The following ARHGAP26 variants were observed in gnomAD, a reference collection of about 807,000 sequenced individuals.
ARHGAP26 encodes rho GTPase-activating protein 26.
ARHGAP26 carries 38 observed loss-of-function variants against 104.8 expected under a neutral mutation model. That is an observed-to-expected ratio of 0.36 (90% CI 0.28 to 0.48). The LOEUF is 0.48. Among genes scored for constraint, ARHGAP26 ranks in the 20% least tolerant of loss-of-function variants. The pLI is 0.99. For missense variants in ARHGAP26, 704 were observed against 947.9 expected (o/e 0.74, Z 3.38); for synonymous variants, 341 against 340.0 (o/e 1.00, Z -0.03).
In ARHGAP26 at chr5:142,812,558, G is replaced by A. The variant is rs568182350; in HGVS notation, c.154+41643G>A. Among the ~76,000 whole-genome samples the A allele has an allele frequency of 9.9e-5, 15 of 152,102 alleles. 1 individual carries two copies. In the South Asian group the frequency reaches 1.5e-3, roughly 15 times the overall value. On this transcript the variant is annotated intron_variant, in intron 1 of 22. Transcript: ENST00000645722. The stretch of plus-strand genomic sequence containing the variant: ...TTGCCATGTTGGCCAGGCTGGTCTC[G>A]AACTCCTAGCCTCAAGTGATCCTCC...
intron 17 of ARHGAP26, among the ~76,000 whole-genome samples, chr5:143,084,139 C>T (rs1790210233): frequency 6.6e-6 from 1 of 152,196 alleles, no homozygotes; most frequent in Admixed American, 6.5e-5. Context: ...AAGACTCTGC[C>T]TTAATGACCC....
chr5:142,958,839 C>T (rs550716551), intron 11 of ARHGAP26, among the ~76,000 whole-genome samples: 45 of 149,956 alleles, frequency 3.0e-4, no homozygotes, highest in African/African-American at 1.1e-3. Context: ...GAGGCCAGGG[C>T]CAGAGGATCA....
At chr5:142,989,182 G>T (rs1775225629) in intron 11 of ARHGAP26, among the ~76,000 whole-genome samples, 1 of 152,138 alleles carries the variant, frequency 6.6e-6, no homozygotes, top group African/African-American at 2.4e-5. Context: ...CTCCTGTATT[G>T]GGTGCATATA....
intron 20 of ARHGAP26, among the ~76,000 whole-genome samples, chr5:143,190,908 A>C (rs1805832403): frequency 6.6e-6 from 1 of 152,216 alleles, no homozygotes; most frequent in Non-Finnish European, 1.5e-5. Flanking sequence ...ACTTCAGAAA[A>C]CATGCTAAAT....
chr5:142,924,797 G>A (rs556634469), intron 10 of ARHGAP26, among the ~76,000 whole-genome samples: 1 of 152,336 alleles, frequency 6.6e-6, no homozygotes, highest in East Asian at 1.9e-4. Flanking sequence ...TCCAGTGATG[G>A]CACTGTGTCC....
At chr5:142,861,842 C>T (rs767125452) in intron 1 of ARHGAP26, among the ~76,000 whole-genome samples, 39 of 152,220 alleles carry the variant, frequency 2.6e-4, no homozygotes, top group Middle Eastern at 6.8e-3. Context: ...GGATTTTGAA[C>T]GCTGGGAGTC....
intron 11 of ARHGAP26, among the ~76,000 whole-genome samples, chr5:142,948,406 TTAAA>T (rs1320226697): frequency 7.9e-6 from 1 of 127,040 alleles, no homozygotes; most frequent in African/African-American, 3.1e-5. Flanking sequence ...CTTGTGTGTA[TTAAA>T]TATATATATA....
chr5:143,049,705 A>G lies in ARHGAP26; in HGVS notation c.1286-4734A>G, dbSNP rs536893006. On this transcript the variant is annotated intron_variant, in intron 14 of 22. Coordinates refer to ENST00000645722, the MANE Select transcript of ARHGAP26 (RefSeq NM_001135608.3). ...CCTGTTAGAATCATTATCTTACCTG[A>G]TGATTGGAGGGGTATTGTACATAAT... Among the ~76,000 whole-genome samples, 176 of 152,192 alleles carry G rather than the reference A, an allele frequency of 1.2e-3. 1 individual carries two copies. The highest frequency in any genetic ancestry group is 4.2e-3 in the African/African-American group (174 of 41,524).
At chr5:143,107,577 G>T (rs1441334760) in intron 17 of ARHGAP26, among the ~76,000 whole-genome samples, 1 of 152,188 alleles carries the variant, frequency 6.6e-6, no homozygotes, top group East Asian at 1.9e-4. Context: ...CTGCACAATA[G>T]AAAGCATTTT....
intron 16 of ARHGAP26, among the ~76,000 whole-genome samples, chr5:143,057,125 C>G (rs937486044): frequency 2.0e-5 from 3 of 152,198 alleles, no homozygotes; most frequent in African/African-American, 2.4e-5. Context: ...AATATTTTAT[C>G]TGCCATTTCT....
intron 22 of ARHGAP26, chr5:143,216,331 C>T (rs772366595): frequency 8.5e-6 from 4 of 469,284 alleles, no homozygotes; most frequent in Non-Finnish European, 1.8e-5. Flanking sequence ...CTTTACAGAG[C>T]AGCGAGAGTG....
chr5:143,044,218 A>G (rs1388418027), intron 14 of ARHGAP26, among the ~76,000 whole-genome samples: 1 of 152,224 alleles, frequency 6.6e-6, no homozygotes, highest in Admixed American at 6.5e-5. Flanking sequence ...ATTTGCTCAT[A>G]TAACTGGTAA....
At chr5:142,891,582 G>A (rs1413287738) in intron 5 of ARHGAP26, among the ~76,000 whole-genome samples, 1 of 148,794 alleles carries the variant, frequency 6.7e-6, no homozygotes, top group African/African-American at 2.6e-5. Flanking sequence ...ATGGTGGAAT[G>A]GATGGATGAT....
chr5:142,940,830 A>G (rs1454586670), intron 11 of ARHGAP26, among the ~76,000 whole-genome samples: 2 of 152,136 alleles, frequency 1.3e-5, no homozygotes, highest in East Asian at 3.9e-4. Context: ...TAATCCCAGC[A>G]CTTTGGGAAG....
intron 17 of ARHGAP26, among the ~76,000 whole-genome samples, chr5:143,092,542 C>CT (rs1791606731): frequency 2.6e-5 from 4 of 151,472 alleles, no homozygotes; most frequent in African/African-American, 9.8e-5. Flanking sequence ...TACATAAATT[C>CT]TCCCCCCCCC....
intron 22 of ARHGAP26, among the ~76,000 whole-genome samples, chr5:143,218,943 A>G (rs889782215): frequency 6.6e-6 from 1 of 152,254 alleles, no homozygotes; most frequent in African/African-American, 2.4e-5. Flanking sequence ...AACTTTTCAC[A>G]GCCACAGTTT....
chr5:142,776,017 C>A (rs1324714298), intron 1 of ARHGAP26, among the ~76,000 whole-genome samples: 1 of 152,138 alleles, frequency 6.6e-6, no homozygotes, highest in Non-Finnish European at 1.5e-5. Context: ...TATATTTATT[C>A]CTTTCAAAGC....
chr5:142,849,092 T>G (rs1455666839), intron 1 of ARHGAP26, among the ~76,000 whole-genome samples: 5 of 152,250 alleles, frequency 3.3e-5, no homozygotes, highest in Non-Finnish European at 7.3e-5. Context: ...TCAAATGTGT[T>G]TATTACCCTC....
chr5:143,182,466 G>T (rs1804525111), intron 20 of ARHGAP26, among the ~76,000 whole-genome samples: 1 of 152,152 alleles, frequency 6.6e-6, no homozygotes, highest in African/African-American at 2.4e-5. Context: ...TGTATCACAG[G>T]ATTCTCAGCA....
Sources: gnomAD v4.1 joint callset for allele counts (sites outside exome capture counted in the v4.1 genomes callset) on GRCh38, gnomAD v4.1.1 for gene constraint, MANE v1.5 for transcripts, NCBI Gene and HGNC (gene_info 2026-07-23, HGNC 2026-07-21) for gene names.